RAPGEF3: variants seen among roughly 807,000 people sequenced by gnomAD.
RAPGEF3 encodes the protein Rap guanine nucleotide exchange factor 3, also known as 9330170P05Rik.
A neutral mutation model predicts 129.8 loss-of-function variants in RAPGEF3; 103 were observed. That is an observed-to-expected ratio of 0.79 (90% CI 0.68 to 0.93). The LOEUF is 0.93. Among genes scored for constraint, RAPGEF3 ranks in the 40% least tolerant of loss-of-function variants. The pLI is 0.00. For missense variants in RAPGEF3, 1,117 were observed against 1,207.4 expected, an observed-to-expected ratio of 0.93 and a Z score of 1.11; for synonymous variants, 436 against 482.6, an observed-to-expected ratio of 0.90 and a Z score of 1.26.
intron 6 of RAPGEF3, among the ~76,000 whole-genome samples, 191 bp downstream of exon 6, chr12:47,750,857 G>T (rs1415485176): frequency 6.6e-6 from 1 of 152,170 alleles, no homozygotes; most frequent in African/African-American, 2.4e-5. Flanking sequence ...GACTTGGGGG[G>T]GTTTGGGAGT....
At chr12:47,743,479 C>T (rs368002169) in intron 18 of RAPGEF3, 51 bp downstream of exon 18, 4 of 1,573,848 alleles carry the variant, frequency 2.5e-6, no homozygotes, top group Non-Finnish European at 2.6e-6. Context: ...GACCTGGGCG[C>T]AGATCCGAGG....
At position 47,737,340 on chromosome 12, in the gene RAPGEF3, C is replaced by A. The variant is rs873622; in HGVS notation, c.*227G>T. On this transcript the variant is annotated 3_prime_UTR_variant, in exon 28 of 28. Transcript: ENST00000449771. ...CCTGGGGCCTCTCTGTCCTCCCTTC[C>A]TTGGCCTTGGGTCATTCGTTATTCC... 116 of 556,104 alleles carry A rather than the reference C, an allele frequency of 2.1e-4. No individual in the cohort carries two copies. The East Asian group carries it at 3.5e-3, about 17-fold the overall frequency. 34.4% of individuals were successfully genotyped at this position (556,104 alleles called of 1,614,324 possible).
chr12:47,748,174 T>C (rs373403376), intron 12 of RAPGEF3, 22 bp from the exon 13 acceptor site: 12 of 1,542,166 alleles, frequency 7.8e-6, no homozygotes, highest in African/African-American at 6.8e-5. Flanking sequence ...GGTGAGGGGA[T>C]GGGAGGAGGC....
Position 47,749,387 on chromosome 12 carries a change from C to T in RAPGEF3, c.1041+3G>A, listed in dbSNP as rs1323991074. The T allele has an allele frequency of 3.7e-6, 6 of 1,611,768 alleles. No homozygotes were observed. Among genetic ancestry groups the T allele is most frequent in the Non-Finnish European group, 4.2e-6 (5 of 1,180,002 alleles). On this transcript the variant is annotated splice_donor_region_variant and intron_variant, in intron 10 of 27. Transcript: ENST00000449771. The surrounding 1 kb of genome is among the most constrained non-coding windows in gnomAD (Gnocchi z 4.5). ...CTGCCCTCCCCAACCCCAGCAGCAG[C>T]ACCTTGATGATACGGTTGAAGTCCT...
Position 47,747,844 on chromosome 12 carries a change from C to A in RAPGEF3, c.1341G>T (p.Ala447=). The A allele has an allele frequency of 1.2e-6, 2 of 1,604,010 alleles. No homozygotes were observed. The highest frequency in any genetic ancestry group is 1.7e-6 in the Non-Finnish European group (2 of 1,179,928). The change falls in exon 14 of 28, where the codon GCG becomes GCT. Residue 447 remains alanine, a synonymous_variant. Coordinates refer to ENST00000449771, the MANE Select transcript of RAPGEF3 (RefSeq NM_001098531.4). ...ALLHHFHVEP[A]GGSEQERSTY... ...TGCTGCGCTCCTGCTCGCTGCCACCCGCAGGCTCCACATGGAAGGTGGGCA... is the reference window on the plus strand; with the variant it reads ...TGCTGCGCTCCTGCTCGCTGCCACCAGCAGGCTCCACATGGAAGGTGGGCA...
Position 47,740,356 on chromosome 12 carries a change from G to A in RAPGEF3, c.2271C>T (p.Val757=), listed in dbSNP as rs937840723. 5 of 1,614,120 alleles carry A rather than the reference G, an allele frequency of 3.1e-6. No individual in the cohort carries two copies. The highest frequency in any genetic ancestry group is 4.2e-6 in the Non-Finnish European group (5 of 1,180,032). ...TGGCCGAGTTGCTGAGGCCAAACAT[G>A]ACGGCAAAGAAGGAATTGAGATTCT... ...EQKNLNSFFA[V]MFGLSNSAIS... The change falls in exon 22 of 28, where the codon GTC becomes GTT. Residue 757 remains valine, a synonymous_variant. Coordinates refer to ENST00000449771, the MANE Select transcript of RAPGEF3 (RefSeq NM_001098531.4).
rs1461243168 is a variant in RAPGEF3, at chr12:47,751,210, T to C, written c.509A>G (p.His170Arg). ...LDEGALCHVK[H>R]DWAFQDRDAQ... is the part of the protein sequence containing the mutation. ...ATCTCGGTCCTGGAAGGCCCAGTCGTGTTTCACTGGGGGGCAGAGGCCCAG... is the reference window on the plus strand; with the variant it reads ...ATCTCGGTCCTGGAAGGCCCAGTCGCGTTTCACTGGGGGGCAGAGGCCCAG... Residue 170 changes from histidine to arginine, a missense_variant, in exon 6 of 28, where the codon CAC becomes CGC. By Grantham distance (29) the His-to-Arg change is conservative (BLOSUM62 0). Transcript: ENST00000449771. 6.5e-7 allele frequency: 1 copy of C among 1,550,108 alleles called. No individual in the cohort carries two copies. Among genetic ancestry groups the C allele is most frequent in the South Asian group, 1.2e-5 (1 of 84,146 alleles).
At position 47,749,680 on chromosome 12, in the gene RAPGEF3, G is replaced by T. The variant is rs1941631676; in HGVS notation, c.894+61C>A. The T allele has an allele frequency of 9.4e-6, 15 of 1,598,586 alleles. No individual in the cohort carries two copies. The East Asian group carries it at 3.4e-4, about 36-fold the overall frequency. On this transcript the variant is annotated intron_variant, in intron 9 of 27. Coordinates refer to ENST00000449771, the MANE Select transcript of RAPGEF3 (RefSeq NM_001098531.4). This position sits in a 1 kb window ranked among gnomAD's most constrained non-coding sequence, Gnocchi z 4.5. The stretch of plus-strand genomic sequence containing the variant: ...GATCAACAAAGGCACTGCCCATGAG[G>T]ACATGGACCAGGGAGCAGTTAGGAC...
At chr12:47,751,578 A>G in intron 4 of RAPGEF3, 58 bp from the exon 5 acceptor site, 1 of 1,610,052 alleles carries the variant, frequency 6.2e-7, no homozygotes. Flanking sequence ...AGAGGGAGGA[A>G]CTATGCATTA....
In RAPGEF3 at chr12:47,751,952, G is replaced by A. The variant is rs751224509; in HGVS notation, c.237C>T (p.Ser79=). 2.4e-5 allele frequency: 39 copies of A among 1,614,006 alleles called. No individual in the cohort carries two copies. The highest frequency in any genetic ancestry group is 8.3e-5 in the Admixed American group (5 of 60,004). ...TCTCGCTGAAATCCAGGGACTCCTC[G>A]CTGTTGGTGAGTGGTGTCTGGGGGC... ...QGLRWTPLTN[S]EESLDFSESL... Residue 79 remains serine (S), a synonymous_variant, in exon 3 of 28, where the codon AGC becomes AGT. Transcript: ENST00000449771.
chr12:47,749,218 G>T lies in RAPGEF3; in HGVS notation c.1041+172C>A. ...ACTGAACTCCTTCTGTGCCTTATGG[G>T]CTTCACCTTCTCACACACACCCAGG... On this transcript the variant is annotated intron_variant, in intron 10 of 27. Coordinates refer to ENST00000449771, the MANE Select transcript of RAPGEF3 (RefSeq NM_001098531.4). This position sits in a 1 kb window ranked among gnomAD's most constrained non-coding sequence, Gnocchi z 4.5. The T allele has an allele frequency of 1.2e-6, 1 of 810,572 alleles. No homozygotes were observed. Among genetic ancestry groups the T allele is most frequent in the Non-Finnish European group, 2.0e-6 (1 of 500,738 alleles). The allele number at this position is 810,572 out of a possible 1,614,324, so 50.2% of individuals were successfully genotyped here. A position where few individuals can be genotyped will look rare whatever the true frequency, so the allele number is the denominator to read the frequency against.
chr12:47,747,812 A>T lies in RAPGEF3; in HGVS notation c.1373T>A (p.Val458Asp). The change falls in exon 14 of 28, where the codon GTC becomes GAC. Residue 458 changes from valine (V) to aspartate (D), a missense_variant. Coordinates refer to ENST00000449771, the MANE Select transcript of RAPGEF3 (RefSeq NM_001098531.4). ...CAAGATCTGCTGCCTCTTGTTGCAG[A>T]CGTAGGTGCTGCGCTCCTGCTCGCT... ...GGSEQERSTY[V>D]CNKRQQILRL... 1 of 1,606,722 alleles carries T rather than the reference A, an allele frequency of 6.2e-7. No homozygotes were observed. The highest frequency in any genetic ancestry group is 8.5e-7 in the Non-Finnish European group (1 of 1,179,976).
At position 47,749,783 on chromosome 12, in the gene RAPGEF3, G is replaced by A. The variant is rs1941636641; in HGVS notation, c.852C>T (p.Tyr284=). The A allele has an allele frequency of 6.2e-7, 1 of 1,614,216 alleles. No homozygotes were observed. Among genetic ancestry groups the A allele is most frequent in the Non-Finnish European group, 8.5e-7 (1 of 1,180,044 alleles). The change falls in exon 9 of 28, where the codon TAC becomes TAT. Residue 284 remains tyrosine, a synonymous_variant. Coordinates refer to ENST00000449771, the MANE Select transcript of RAPGEF3 (RefSeq NM_001098531.4). This position sits in a 1 kb window ranked among gnomAD's most constrained non-coding sequence, Gnocchi z 4.5. Reference sequence around the variant, plus strand: ...CGTTGACAGATCCCTTCCAGATAATGTACCACGAAGTGCCCTTGTCCCCCT... The same window carrying A: ...CGTTGACAGATCCCTTCCAGATAATATACCACGAAGTGCCCTTGTCCCCCT... ...FSQGDKGTSW[Y]IIWKGSVNVV...
chr12:47,738,639 C>T (rs1940944122), intron 25 of RAPGEF3, 51 bp downstream of exon 25: 1 of 1,485,710 alleles, frequency 6.7e-7, no homozygotes, highest in East Asian at 2.3e-5. Context: ...AGGCCACAGT[C>T]ATGTCCTCCA....
rs201845012 is a variant in RAPGEF3, at chr12:47,740,173, G to A, written c.2341C>T (p.Arg781Trp). ...CTCTCGAGGGCGGAGTACAGCTTCC[G>A]GACTTTGTGAGGCAGCCGCTGTGAA... The part of the protein sequence containing the change: ...HTWERLPHKV[R>W]KLYSALERLL... Residue 781 changes from arginine (R) to tryptophan (W), a missense_variant, in exon 23 of 28, where the codon CGG (arginine) becomes TGG (tryptophan). By Grantham distance (101) the Arg-to-Trp change is moderately radical. This residue lies in a region of RAPGEF3 where 643 missense variants were observed against 673.4 expected (regional missense o/e 0.95). Coordinates refer to ENST00000449771, the MANE Select transcript of RAPGEF3 (RefSeq NM_001098531.4). 207 of 1,613,530 alleles carry A rather than the reference G, an allele frequency of 1.3e-4. No individual in the cohort carries two copies. The highest frequency in any genetic ancestry group is 3.5e-4 in the South Asian group (32 of 91,016).
Position 47,747,707 on chromosome 12 carries a change from G to T in RAPGEF3, c.1473+5C>A, listed in dbSNP as rs888380816. The T allele has an allele frequency of 6.2e-7, 1 of 1,611,192 alleles. No homozygotes were observed. Reference sequence around the variant, plus strand: ...CCAGCCCCGCTGTGCCTCACTCCCAGGTACCTGGAGGAAGCTGGTGGCCAC... The same window carrying T: ...CCAGCCCCGCTGTGCCTCACTCCCATGTACCTGGAGGAAGCTGGTGGCCAC... On this transcript the variant is annotated splice_donor_5th_base_variant and intron_variant, in intron 14 of 27. Coordinates refer to ENST00000449771, the MANE Select transcript of RAPGEF3 (RefSeq NM_001098531.4).
chr12:47,741,699 G>A (rs952535598), intron 18 of RAPGEF3, 97 bp from the exon 19 acceptor site: 1 of 1,038,278 alleles, frequency 9.6e-7, no homozygotes, highest in Non-Finnish European at 1.5e-6. Flanking sequence ...AGGCTGAGAG[G>A]TTGTTTCTCC....
At chr12:47,739,095 G>C in intron 24 of RAPGEF3, 48 bp downstream of exon 24, 1 of 1,450,190 alleles carries the variant, frequency 6.9e-7, no homozygotes, top group African/African-American at 1.4e-5. Flanking sequence ...ATGGGGGATG[G>C]AGGCAGGAAG....
rs528517741 is a variant in RAPGEF3 at position 47,737,682 on chromosome 12, G to C, written c.2657C>G (p.Ser886Trp). Residue 886 changes from serine (S) to tryptophan (W), a missense_variant, in exon 28 of 28, where the codon TCG becomes TGG. Physicochemically the swap from Ser to Trp is radical, Grantham distance 177 (BLOSUM62 -3). Coordinates refer to ENST00000449771, the MANE Select transcript of RAPGEF3 (RefSeq NM_001098531.4). ...DSQVARISTC[S>W]EQSLSTRSPA... Reference sequence around the variant, plus strand: ...ACTCCGGGTGCTCAGGGACTGCTCCGAGCCTGGTGGAGGAGAGTAGTCAGG... The same window carrying C: ...ACTCCGGGTGCTCAGGGACTGCTCCCAGCCTGGTGGAGGAGAGTAGTCAGG... 1 of 1,612,792 alleles carries C rather than the reference G, an allele frequency of 6.2e-7. No individual in the cohort carries two copies. The highest frequency in any genetic ancestry group is 8.5e-7 in the Non-Finnish European group (1 of 1,179,666).
Sources: gnomAD v4.1 joint callset for allele counts (sites outside exome capture counted in the v4.1 genomes callset) on GRCh38, gnomAD v4.1.1 for gene constraint, gnomAD v4.1.1 regional missense constraint, Gnocchi (gnomAD v3.1) non-coding constraint, MANE v1.5 for transcripts, NCBI Gene and HGNC (gene_info 2026-07-23, HGNC 2026-07-21) for gene names.